ASPHD2: variants seen among roughly 807,000 people sequenced by gnomAD.
The protein encoded by ASPHD2 is aspartate beta-hydroxylase domain containing 2.
ASPHD2 carries 12 observed loss-of-function variants against 34.6 expected under a neutral mutation model. The observed-to-expected ratio is 0.35, with a 90% CI of 0.22 to 0.56. The LOEUF is 0.56. ASPHD2 is among the 20% of genes least tolerant of loss of function. The pLI is 0.87. For synonymous variants in ASPHD2, 224 were observed against 212.2 expected (o/e 1.06, Z -0.48); for missense variants, 375 against 505.0 (o/e 0.74, Z 2.47).
rs1450597703 is a variant in ASPHD2, at chr22:26,433,958, C to T, written c.343C>T (p.Arg115Cys). The T allele has an allele frequency of 3.1e-6, 5 of 1,613,446 alleles. No individual in the cohort carries two copies. The highest frequency in any genetic ancestry group is 4.2e-6 in the Non-Finnish European group (5 of 1,179,982). Reference protein sequence around the residue: ...YVYCQSPECVRCTHNEGLNQK... With the variant: ...YVYCQSPECVCCTHNEGLNQK... ...GTACTGCCAGTCCCCTGAGTGCGTG[C>T]GCTGCACCCACAACGAGGGCCTCAA... Residue 115 changes from arginine to cysteine, a missense_variant, in exon 2 of 4, where the codon CGC becomes TGC. Coordinates refer to ENST00000215906, the MANE Select transcript of ASPHD2 (RefSeq NM_020437.5). This position sits in a 1 kb window ranked among gnomAD's most constrained non-coding sequence, Gnocchi z 5.1.
chr22:26,433,419 A>C lies in ASPHD2; in HGVS notation c.-197A>C. 1 of 557,848 alleles carries C rather than the reference A, an allele frequency of 1.8e-6. No individual in the cohort carries two copies. The highest frequency in any genetic ancestry group is 2.5e-5 in the South Asian group (1 of 40,302). The allele number at this position is 557,848 out of a possible 1,614,324, so 34.6% of individuals were successfully genotyped here. Reference sequence around the variant, plus strand: ...TTGGTTTTCCTAAACAAATCCTTTCACAGGGACCGACGGCACTTGATAATG... The same window carrying C: ...TTGGTTTTCCTAAACAAATCCTTTCCCAGGGACCGACGGCACTTGATAATG... On this transcript the variant is annotated 5_prime_UTR_variant, in exon 2 of 4. Coordinates refer to ENST00000215906, the MANE Select transcript of ASPHD2 (RefSeq NM_020437.5). The surrounding 1 kb of genome is among the most constrained non-coding windows in gnomAD (Gnocchi z 5.1).
Position 26,437,576 on chromosome 22 carries a change from G to A in ASPHD2, c.886+3075G>A, listed in dbSNP as rs1568983608. On this transcript the variant is annotated intron_variant, in intron 2 of 3. Transcript: ENST00000215906. Reference sequence around the variant, plus strand: ...CACCTCTGAAACTCACCAGGCAGATGTTACCAGGGAGGCAGATACTTCATG... The same window carrying A: ...CACCTCTGAAACTCACCAGGCAGATATTACCAGGGAGGCAGATACTTCATG... 3.3e-5 allele frequency among the ~76,000 whole-genome samples: 5 copies of A among 152,280 alleles called. No individual in the cohort carries two copies. The South Asian group carries it at 8.3e-4, about 25-fold the overall frequency.
chr22:26,444,984 A>AAGAT lies in ASPHD2; in HGVS notation c.*1780_*1783dup, dbSNP rs1275038401. ...TTCATGTGACATGTCTGGGGAACAG[A>AAGAT]AGATAAATAAAGGATCTTGCTGAAA... On this transcript the variant is annotated 3_prime_UTR_variant, in exon 4 of 4. Transcript: ENST00000215906. The AAGAT allele has an allele frequency of 6.6e-6, 1 of 152,206 alleles. No homozygotes were observed. The highest frequency in any genetic ancestry group is 1.5e-5 in the Non-Finnish European group (1 of 68,040). The allele number at this position is 152,206 out of a possible 1,614,324, so 9.4% of individuals were successfully genotyped here.
In ASPHD2 at chr22:26,429,730, A is replaced by T. The variant is rs1861425308; in HGVS notation, c.-225+244A>T. Among the ~76,000 whole-genome samples, 1 of 151,554 alleles carries T rather than the reference A, an allele frequency of 6.6e-6. No individual in the cohort carries two copies. Among genetic ancestry groups the T allele is most frequent in the Non-Finnish European group, 1.5e-5 (1 of 67,800 alleles). Reference sequence around the variant, plus strand: ...CTCGGAGCCGGGCATCACCCTCCCTAGACCTCCTCCTACTCCTCTTCCCTG... The same window carrying T: ...CTCGGAGCCGGGCATCACCCTCCCTTGACCTCCTCCTACTCCTCTTCCCTG... On this transcript the variant is annotated intron_variant, in intron 1 of 3. Transcript: ENST00000215906. This position sits in a 1 kb window ranked among gnomAD's most constrained non-coding sequence, Gnocchi z 4.5.
At chr22:26,441,906 G>C (rs569109920) in intron 2 of ASPHD2, among the ~76,000 whole-genome samples, 1 of 144,602 alleles carries the variant, frequency 6.9e-6, no homozygotes, top group Admixed American at 7.0e-5. Context: ...CTGGGCGACA[G>C]AGTGAGACTC....
chr22:26,430,957 C>T (rs1320468342), intron 1 of ASPHD2, among the ~76,000 whole-genome samples: 2 of 152,196 alleles, frequency 1.3e-5, no homozygotes. Context: ...AGAGGTTTCT[C>T]CATCATCCAC....
At position 26,433,996 on chromosome 22, in the gene ASPHD2, C is replaced by T. The variant is rs773866888; in HGVS notation, c.381C>T (p.Tyr127=). Residue 127 remains tyrosine (Y), a synonymous_variant, in exon 2 of 4, where the codon TAC becomes TAT. Coordinates refer to ENST00000215906, the MANE Select transcript of ASPHD2 (RefSeq NM_020437.5). The surrounding 1 kb of genome is among the most constrained non-coding windows in gnomAD (Gnocchi z 5.1). ...THNEGLNQKL[Y]HNLQEYAKRY... is the part of the protein sequence containing the mutation. The stretch of plus-strand genomic sequence containing the variant: ...ACGAGGGCCTCAACCAGAAGCTGTA[C>T]CACAACCTGCAGGAGTACGCCAAGC... 11 of 1,613,516 alleles carry T rather than the reference C, an allele frequency of 6.8e-6. No individual in the cohort carries two copies. The highest frequency in any genetic ancestry group is 8.5e-6 in the Non-Finnish European group (10 of 1,179,960).
Position 26,434,248 on chromosome 22 carries a change from C to G in ASPHD2, c.633C>G (p.Asn211Lys). 6.2e-7 allele frequency: 1 copy of G among 1,614,218 alleles called. No homozygotes were observed. Among genetic ancestry groups the G allele is most frequent in the South Asian group, 1.1e-5 (1 of 91,088 alleles). Residue 211 changes from asparagine to lysine, a missense_variant, in exon 2 of 4, where the codon AAC (asparagine) becomes AAG (lysine). Physicochemically the swap from Asn to Lys is moderately conservative, Grantham distance 94 (BLOSUM62 0). Around this residue, in one of 3 missense-constraint regions of ASPHD2, gnomAD observed 142 missense variants for 217.9 expected, o/e 0.65. Transcript: ENST00000215906. ...AGACCCTCTACAAAGCTTTCTCAAACTGCAGCCTCCCGCAAGGATGGAAAA... is the reference window on the plus strand; with the variant it reads ...AGACCCTCTACAAAGCTTTCTCAAAGTGCAGCCTCCCGCAAGGATGGAAAA... The part of the protein sequence containing the change: ...EFETLYKAFS[N>K]CSLPQGWKMN...
intron 2 of ASPHD2, among the ~76,000 whole-genome samples, chr22:26,440,024 T>C (rs2084825661): frequency 6.6e-6 from 1 of 152,242 alleles, no homozygotes; most frequent in South Asian, 2.1e-4. Flanking sequence ...GTGGTCACAG[T>C]GAGTCACTGA....
intron 2 of ASPHD2, among the ~76,000 whole-genome samples, chr22:26,441,320 A>C (rs1364147461): frequency 6.6e-6 from 1 of 151,896 alleles, no homozygotes; most frequent in Non-Finnish European, 1.5e-5. Flanking sequence ...TTACAAAAAA[A>C]AGTTTAAATT....
chr22:26,442,465 A>G lies in ASPHD2; in HGVS notation c.893A>G (p.Lys298Arg). 6.3e-7 allele frequency: 1 copy of G among 1,592,864 alleles called. No homozygotes were observed. The highest frequency in any genetic ancestry group is 8.5e-7 in the Non-Finnish European group (1 of 1,172,920). ...TCTCTGGTTTTCCTACAAGGTCTGA[A>G]AACTCCAAATGGCTGTGAGCTGGTG... Reference protein sequence around the residue: ...NIRIRCHLGLKTPNGCELVVG... With the variant: ...NIRIRCHLGLRTPNGCELVVG... The change falls in exon 3 of 4, where the codon AAA becomes AGA. Residue 298 changes from lysine to arginine, a missense_variant. Physicochemically the swap from Lys to Arg is conservative, Grantham distance 26 (BLOSUM62 2). This residue lies in a region of ASPHD2 where 142 missense variants were observed against 217.9 expected (regional missense o/e 0.65). Coordinates refer to ENST00000215906, the MANE Select transcript of ASPHD2 (RefSeq NM_020437.5).
At chr22:26,441,726 C>A (rs953006419) in intron 2 of ASPHD2, among the ~76,000 whole-genome samples, 19 of 152,018 alleles carry the variant, frequency 1.2e-4, no homozygotes. Flanking sequence ...AGTTCAAGAC[C>A]CGCCTGGCCA....
At chr22:26,434,567 C>G (rs1272648789) in intron 2 of ASPHD2, 66 bp downstream of exon 2, 6 of 1,493,776 alleles carry the variant, frequency 4.0e-6, no homozygotes, top group Non-Finnish European at 5.4e-6. Flanking sequence ...TCCATCAAAA[C>G]ATCGCGAAAG....
chr22:26,430,057 C>A (rs1177913447), intron 1 of ASPHD2, among the ~76,000 whole-genome samples: 1 of 152,198 alleles, frequency 6.6e-6, no homozygotes, highest in East Asian at 1.9e-4. Flanking sequence ...CTCTCCAGGG[C>A]AGGTGGGTGC....
In ASPHD2 at chr22:26,431,471, C is replaced by A. The variant is rs1369129746; in HGVS notation, c.-224-1921C>A. ...AAAACAACTTAGCTTCTAACCTCCC[C>A]ACTCTTGTATTTTTCCTAGAAACAT... On this transcript the variant is annotated intron_variant, in intron 1 of 3. Transcript: ENST00000215906. 3.3e-5 allele frequency among the ~76,000 whole-genome samples: 5 copies of A among 151,646 alleles called. No homozygotes were observed. The South Asian group carries it at 8.3e-4, about 25-fold the overall frequency.
At chr22:26,436,129 C>A (rs1039791929) in intron 2 of ASPHD2, among the ~76,000 whole-genome samples, 11 of 152,204 alleles carry the variant, frequency 7.2e-5, no homozygotes, top group Non-Finnish European at 1.5e-4. Context: ...GGGAAAGGAA[C>A]AGGCTTCGGA....
chr22:26,429,329 A>AGGCTCGGGCTCG lies in ASPHD2; in HGVS notation c.-376_-365dup, dbSNP rs1189806318. 6.7e-6 allele frequency: 1 copy of AGGCTCGGGCTCG among 150,300 alleles called. No homozygotes were observed. The highest frequency in any genetic ancestry group is 6.7e-5 in the Admixed American group (1 of 14,904). The allele number at this position is 150,300 out of a possible 1,614,324, so 9.3% of individuals were successfully genotyped here. On this transcript the variant is annotated 5_prime_UTR_variant, in exon 1 of 4. Transcript: ENST00000215906. The surrounding 1 kb of genome is among the most constrained non-coding windows in gnomAD (Gnocchi z 4.5). ...ACCGGCAGGGGCACCGGCGCGGCTT[A>AGGCTCGGGCTCG]GGCTCGGGCTCGGGCTCCGGCTCGG... is the stretch of plus-strand genomic sequence containing the variant.
rs780128128 is a variant in ASPHD2, at chr22:26,442,438, T to G, written c.887-21T>G. ...TGAATCTTGCCTGCCTTCACTCTCCTTTCTCTGGTTTTCCTACAAGGTCTG... is the reference window on the plus strand; with the variant it reads ...TGAATCTTGCCTGCCTTCACTCTCCGTTCTCTGGTTTTCCTACAAGGTCTG... On this transcript the variant is annotated intron_variant, in intron 2 of 3. Coordinates refer to ENST00000215906, the MANE Select transcript of ASPHD2 (RefSeq NM_020437.5). 7 of 1,540,696 alleles carry G rather than the reference T, an allele frequency of 4.5e-6. No homozygotes were observed. In the South Asian group the frequency reaches 5.9e-5, roughly 13 times the overall value.
In ASPHD2 at chr22:26,443,432, C is replaced by A. The variant is rs1022997625; in HGVS notation, c.*226C>A. On this transcript the variant is annotated 3_prime_UTR_variant, in exon 4 of 4. Coordinates refer to ENST00000215906, the MANE Select transcript of ASPHD2 (RefSeq NM_020437.5). ...TAGATTTTTTTTTTTTCCTTCCAAT[C>A]ATTTGCTTCAGAGACTCCTTTCTGG... 1.3e-4 allele frequency: 62 copies of A among 487,168 alleles called. 1 individual carries two copies. The highest frequency in any genetic ancestry group is 2.1e-4 in the Non-Finnish European group (58 of 271,758). The allele number at this position is 487,168 out of a possible 1,614,324, so 30.2% of individuals were successfully genotyped here.
Sources: gnomAD v4.1 joint callset for allele counts (sites outside exome capture counted in the v4.1 genomes callset) on GRCh38, gnomAD v4.1.1 for gene constraint, gnomAD v4.1.1 regional missense constraint, Gnocchi (gnomAD v3.1) non-coding constraint, MANE v1.5 for transcripts, NCBI Gene and HGNC (gene_info 2026-07-23, HGNC 2026-07-21) for gene names.